Variants in GABPB1 observed in about 807,000 individuals in gnomAD.
GABPB1 encodes GA-binding protein subunit beta-1.
In GABPB1, 15 loss-of-function variants were observed where a neutral mutation model predicts 45.9. The observed-to-expected ratio is 0.33, with a 90% CI of 0.22 to 0.50. The LOEUF (loss-of-function observed/expected upper bound fraction) is 0.50, where lower values mean the gene tolerates loss of function less well. GABPB1 is among the 20% of genes least tolerant of loss of function. GABPB1 has a pLI of 0.98. For synonymous variants in GABPB1, 143 were observed against 154.4 expected, an observed-to-expected ratio of 0.93 and a Z score of 0.55; for missense variants, 252 against 457.5, an observed-to-expected ratio of 0.55 and a Z score of 4.10.
chr15:50,292,518 A>T (rs1338408855), intron 6 of GABPB1, among the ~76,000 whole-genome samples: 1 of 152,098 alleles, frequency 6.6e-6, no homozygotes, highest in Non-Finnish European at 1.5e-5. Flanking sequence ...GGCAGTCATC[A>T]TTCTACCAAG....
At chr15:50,300,436 G>GTTTCTTTTTT (rs2046692528) in intron 6 of GABPB1, among the ~76,000 whole-genome samples, 1 of 40,808 alleles carries the variant, frequency 2.5e-5, no homozygotes. Flanking sequence ...ACTGTTTTTG[G>GTTTCTTTTTT]TTTTTTTTTT....
At chr15:50,302,069 C>A (rs2046770605) in intron 4 of GABPB1, among the ~76,000 whole-genome samples, 1 of 152,090 alleles carries the variant, frequency 6.6e-6, no homozygotes, top group Non-Finnish European at 1.5e-5. Flanking sequence ...TGGGAACAAA[C>A]AGGCAAGAAG....
intron 1 of GABPB1, among the ~76,000 whole-genome samples, chr15:50,334,446 C>G (rs1567537859): frequency 6.6e-6 from 1 of 150,770 alleles, no homozygotes; most frequent in Non-Finnish European, 1.5e-5. Flanking sequence ...TGTGTCCAAT[C>G]TGCTGCAAAT....
chr15:50,314,022 A>G (rs1011593305), intron 1 of GABPB1, among the ~76,000 whole-genome samples: 1 of 152,230 alleles, frequency 6.6e-6, no homozygotes, highest in African/African-American at 2.4e-5. Context: ...TACATGAATT[A>G]TAATAAAATC....
intron 4 of GABPB1, among the ~76,000 whole-genome samples, chr15:50,301,981 T>C (rs1490911098): frequency 1.3e-5 from 2 of 152,160 alleles, no homozygotes; most frequent in Non-Finnish European, 2.9e-5. Flanking sequence ...TTCCTGAACA[T>C]AAAACATCTT....
intron 6 of GABPB1, among the ~76,000 whole-genome samples, chr15:50,297,883 T>C (rs2046578310): frequency 6.6e-6 from 1 of 152,150 alleles, no homozygotes; most frequent in South Asian, 2.1e-4. Context: ...AAAATTATTG[T>C]GCTCATAGAA....
chr15:50,331,775 G>A (rs1040498290), intron 1 of GABPB1, among the ~76,000 whole-genome samples: 20 of 151,948 alleles, frequency 1.3e-4, no homozygotes, highest in Admixed American at 1.1e-3. Context: ...TACCTGTGTG[G>A]TTATTAGACA....
chr15:50,277,188 A>T lies in GABPB1; in HGVS notation c.*1444T>A, dbSNP rs1410128957. 6.6e-6 allele frequency: 1 copy of T among 152,228 alleles called. No homozygotes were observed. The highest frequency in any genetic ancestry group is 1.5e-5 in the Non-Finnish European group (1 of 68,046). The allele number at this position is 152,228 out of a possible 1,614,324, so 9.4% of individuals were successfully genotyped here. On this transcript the variant is annotated 3_prime_UTR_variant, in exon 9 of 9. Coordinates refer to ENST00000380877, the MANE Select transcript of GABPB1 (RefSeq NM_016654.5). ...TAAAATATTTTCATATGGTGGCTCA[A>T]ATATGCAGTAGGATAACATTTTTAA...
At chr15:50,346,413 A>G (rs2048580230) in intron 1 of GABPB1, 1 of 152,194 alleles carries the variant, frequency 6.6e-6, no homozygotes, top group Non-Finnish European at 1.5e-5. Flanking sequence ...GGAAAACAGA[A>G]GAAATCGATG....
intron 7 of GABPB1, among the ~76,000 whole-genome samples, chr15:50,288,987 A>G (rs554371544): frequency 6.6e-6 from 1 of 152,122 alleles, no homozygotes; most frequent in Admixed American, 6.5e-5. Flanking sequence ...CACCATGCCT[A>G]GCTAATTTTG....
At chr15:50,278,864 T>G in intron 8 of GABPB1, 80 bp from the exon 9 acceptor site, 1 of 916,056 alleles carries the variant, frequency 1.1e-6, no homozygotes, top group Non-Finnish European at 1.5e-6. Context: ...TCCTTCAAAT[T>G]AAAAAAAAAA....
At chr15:50,339,877 GATA>G (rs1443279651) in intron 1 of GABPB1, among the ~76,000 whole-genome samples, 1 of 152,136 alleles carries the variant, frequency 6.6e-6, no homozygotes, top group Admixed American at 6.6e-5. Context: ...TGCATTACCT[GATA>G]ATATTATCAC....
At chr15:50,285,825 C>T in intron 8 of GABPB1, 1 of 1,282,800 alleles carries the variant, frequency 7.8e-7, no homozygotes, top group African/African-American at 1.5e-5. Context: ...GAACCAAAGA[C>T]ATTCCAGTGT....
chr15:50,285,702 G>A (rs1458362460), intron 8 of GABPB1, among the ~76,000 whole-genome samples: 1 of 151,910 alleles, frequency 6.6e-6, no homozygotes, highest in Non-Finnish European at 1.5e-5. Flanking sequence ...AGGCATTTGA[G>A]TTTCAGTTTT....
At chr15:50,322,059 A>G (rs545138500) in intron 1 of GABPB1, among the ~76,000 whole-genome samples, 18 of 152,106 alleles carry the variant, frequency 1.2e-4, no homozygotes, top group Admixed American at 2.0e-4. Context: ...AAATGTAGAT[A>G]TTGGCTTTGT....
At position 50,276,146 on chromosome 15, in the gene GABPB1, G is replaced by T. The variant is rs2140952544; in HGVS notation, c.*2486C>A. 6.6e-6 allele frequency: 1 copy of T among 152,320 alleles called. No individual in the cohort carries two copies. The allele number at this position is 152,320 out of a possible 1,614,324, so 9.4% of individuals were successfully genotyped here. A position where few individuals can be genotyped will look rare whatever the true frequency, so the allele number is the denominator to read the frequency against. On this transcript the variant is annotated 3_prime_UTR_variant, in exon 9 of 9. Coordinates refer to ENST00000380877, the MANE Select transcript of GABPB1 (RefSeq NM_016654.5). The stretch of plus-strand genomic sequence containing the variant: ...TGTGGAAACAATTAACCAGTGATGT[G>T]GCAACCAGATGACTGCTAACTACAA...
chr15:50,295,465 T>C (rs549420818), intron 6 of GABPB1, among the ~76,000 whole-genome samples: 1 of 152,322 alleles, frequency 6.6e-6, no homozygotes, highest in African/African-American at 2.4e-5. Context: ...ATTTTCAGTT[T>C]AAATGTTTCT....
intron 1 of GABPB1, among the ~76,000 whole-genome samples, chr15:50,319,569 G>A (rs751728054): frequency 1.3e-5 from 2 of 152,204 alleles, no homozygotes; most frequent in Non-Finnish European, 2.9e-5. Context: ...TGGGCACAGT[G>A]GCTCATGCCT....
intron 1 of GABPB1, among the ~76,000 whole-genome samples, chr15:50,317,394 A>G (rs34312018): frequency 0.18 from 26,644 of 145,768 alleles, 2,619 homozygotes; most frequent in Middle Eastern, 0.22. Context: ...ACAAGAGCAA[A>G]ACTCCGTCTC....
Sources: gnomAD v4.1 joint callset for allele counts (sites outside exome capture counted in the v4.1 genomes callset) on GRCh38, gnomAD v4.1.1 for gene constraint, MANE v1.5 for transcripts, NCBI Gene and HGNC (gene_info 2026-07-23, HGNC 2026-07-21) for gene names.